The following PRKCA variants were observed in gnomAD, a reference collection of about 807,000 sequenced individuals.
PRKCA encodes the protein protein kinase C alpha type.
Under a neutral mutation model 87.0 loss-of-function variants are expected in PRKCA, and 27 were observed. The observed-to-expected ratio is 0.31, with a 90% CI of 0.23 to 0.43. The LOEUF is 0.43. Ranked by LOEUF, PRKCA falls within the 20% of genes least tolerant of loss-of-function variation. The pLI, the probability that PRKCA is intolerant of heterozygous loss-of-function variation, is 1.00. For synonymous variants in PRKCA, 329 were observed against 311.1 expected, an observed-to-expected ratio of 1.06 and a Z score of -0.61; for missense variants, 518 against 852.3, an observed-to-expected ratio of 0.61 and a Z score of 4.88.
intron 2 of PRKCA, among the ~76,000 whole-genome samples, chr17:66,350,755 G>A (rs948673437): frequency 5.9e-5 from 9 of 152,036 alleles, no homozygotes; most frequent in Non-Finnish European, 1.3e-4. Context: ...GAACTCCTGG[G>A]CTCAAGCAAT....
chr17:66,500,866 G>T (rs927472506), intron 3 of PRKCA, among the ~76,000 whole-genome samples: 1 of 152,096 alleles, frequency 6.6e-6, no homozygotes, highest in African/African-American at 2.4e-5. Context: ...CAGTGAGGAA[G>T]ACCAGTGAAA....
intron 3 of PRKCA, among the ~76,000 whole-genome samples, chr17:66,504,627 G>A (rs1916889005): frequency 6.6e-6 from 1 of 152,114 alleles, no homozygotes; most frequent in African/African-American, 2.4e-5. Flanking sequence ...GCACAGGGTA[G>A]GTGCCATAAG....
rs149570297 is a variant in PRKCA, at chr17:66,510,204, C to T, written c.288+13921C>T. 2.0e-3 allele frequency among the ~76,000 whole-genome samples: 312 copies of T among 152,218 alleles called. 1 individual carries two copies. The highest frequency in any genetic ancestry group is 7.2e-3 in the African/African-American group (298 of 41,530). ...TGGAATATCTGTGAAATGTTTCCTGCGATTCTCTCAGAATCAATACCAGCC... is the reference window on the plus strand; with the variant it reads ...TGGAATATCTGTGAAATGTTTCCTGTGATTCTCTCAGAATCAATACCAGCC... On this transcript the variant is annotated intron_variant, in intron 3 of 16. Coordinates refer to ENST00000413366, the MANE Select transcript of PRKCA (RefSeq NM_002737.3).
intron 13 of PRKCA, among the ~76,000 whole-genome samples, chr17:66,762,021 G>A (rs1399545531): frequency 2.6e-5 from 4 of 152,096 alleles, no homozygotes; most frequent in Non-Finnish European, 5.9e-5. Flanking sequence ...CAATTTAATT[G>A]CCTAAGGGGA....
intron 2 of PRKCA, among the ~76,000 whole-genome samples, chr17:66,346,953 C>T (rs982955699): frequency 6.6e-6 from 1 of 151,552 alleles, no homozygotes; most frequent in African/African-American, 2.4e-5. Flanking sequence ...ATCACTTGAA[C>T]GCGGGAGGCG....
intron 13 of PRKCA, among the ~76,000 whole-genome samples, chr17:66,766,578 C>T (rs2144315549): frequency 6.6e-6 from 1 of 152,116 alleles, no homozygotes; most frequent in East Asian, 1.9e-4. Context: ...GAGGCCAAGG[C>T]AGGTGGATCA....
chr17:66,582,204 A>T (rs1476796778), intron 3 of PRKCA, among the ~76,000 whole-genome samples: 1 of 152,126 alleles, frequency 6.6e-6, no homozygotes, highest in Admixed American at 6.5e-5. Flanking sequence ...GGCTGTAGGC[A>T]TTCTTGGCTA....
chr17:66,588,766 G>A (rs1016907577), intron 3 of PRKCA, among the ~76,000 whole-genome samples: 1 of 148,684 alleles, frequency 6.7e-6, no homozygotes, highest in African/African-American at 2.5e-5. Context: ...CTAGCCTCCT[G>A]AGTAACTGGG....
At chr17:66,410,416 C>G (rs1211802360) in intron 2 of PRKCA, among the ~76,000 whole-genome samples, 1 of 152,100 alleles carries the variant, frequency 6.6e-6, no homozygotes, top group Non-Finnish European at 1.5e-5. Context: ...ATAGCTTTTC[C>G]TTGTTTGAGG....
intron 2 of PRKCA, among the ~76,000 whole-genome samples, chr17:66,374,236 GC>G (rs1398170659): frequency 6.6e-6 from 1 of 152,106 alleles, no homozygotes; most frequent in Non-Finnish European, 1.5e-5. Context: ...CCTCCAGCTC[GC>G]CCCGCCTGAC....
intron 3 of PRKCA, among the ~76,000 whole-genome samples, chr17:66,559,027 C>T (rs1968596931): frequency 6.6e-6 from 1 of 152,198 alleles, no homozygotes; most frequent in South Asian, 2.1e-4. Context: ...TGCATTCGAA[C>T]AGGCTGTGGC....
chr17:66,549,084 G>A (rs765716235), intron 3 of PRKCA, among the ~76,000 whole-genome samples: 2 of 151,732 alleles, frequency 1.3e-5, no homozygotes, highest in Admixed American at 6.6e-5. Flanking sequence ...GGGATTACAG[G>A]CATGAGCCAC....
In PRKCA at chr17:66,547,886, T is replaced by C. The variant is rs145039134; in HGVS notation, c.288+51603T>C. On this transcript the variant is annotated intron_variant, in intron 3 of 16. Transcript: ENST00000413366. ...TAAAGCACTTACCATGAGAAAACCATACAAACATCTTTTAGATAATTTTGA... is the reference window on the plus strand; with the variant it reads ...TAAAGCACTTACCATGAGAAAACCACACAAACATCTTTTAGATAATTTTGA... 1.3e-4 allele frequency among the ~76,000 whole-genome samples: 20 copies of C among 152,186 alleles called. 1 individual carries two copies. Among genetic ancestry groups the C allele is most frequent in the Admixed American group, 3.3e-4 (5 of 15,284 alleles).
At chr17:66,783,052 C>G (rs1440078163) in intron 14 of PRKCA, among the ~76,000 whole-genome samples, 1 of 152,224 alleles carries the variant, frequency 6.6e-6, no homozygotes, top group Non-Finnish European at 1.5e-5. Context: ...AACATAGACT[C>G]ACAGCGGTGA....
chr17:66,681,726 T>A (rs553125048), intron 5 of PRKCA, among the ~76,000 whole-genome samples: 1 of 152,144 alleles, frequency 6.6e-6, no homozygotes, highest in Non-Finnish European at 1.5e-5. Flanking sequence ...CTGCCCACGC[T>A]CTTGGTCCCT....
rs376790639 is a variant in PRKCA at position 66,626,435 on chromosome 17, C to G, written c.289-14920C>G. On this transcript the variant is annotated intron_variant, in intron 3 of 16. Transcript: ENST00000413366. ...GGAGTGTAGTGGCGCAGTCTTGACTCACTGCAACCTCCGCCTCCTGGGTTC... is the reference window on the plus strand; with the variant it reads ...GGAGTGTAGTGGCGCAGTCTTGACTGACTGCAACCTCCGCCTCCTGGGTTC... 4.3e-4 allele frequency among the ~76,000 whole-genome samples: 65 copies of G among 150,652 alleles called. No homozygotes were observed. In the East Asian group the frequency reaches 0.011, roughly 26 times the overall value.
intron 16 of PRKCA, among the ~76,000 whole-genome samples, chr17:66,797,263 G>A (rs890339023): frequency 1.3e-5 from 2 of 152,208 alleles, no homozygotes; most frequent in African/African-American, 4.8e-5. Context: ...TCCAGTGGGG[G>A]CACACTGCAA....
rs183165250 is a variant in PRKCA at position 66,594,479 on chromosome 17, C to T, written c.289-46876C>T. 6.7e-3 allele frequency among the ~76,000 whole-genome samples: 1,014 copies of T among 152,224 alleles called. 38 individuals carry two copies. Among genetic ancestry groups the T allele is most frequent in the Admixed American group, 0.058 (892 of 15,280 alleles). On this transcript the variant is annotated intron_variant, in intron 3 of 16. Transcript: ENST00000413366. ...TTCCAGCGTCTCTTTATTTCTTCAC[C>T]ATGATGGTCTGAATGATGACTTCAA...
chr17:66,461,898 C>T (rs1039702610), intron 2 of PRKCA, among the ~76,000 whole-genome samples: 19 of 142,928 alleles, frequency 1.3e-4, no homozygotes, highest in African/African-American at 4.4e-4. Context: ...TCCTAACTAC[C>T]GAGGAGGAGA....
Sources: gnomAD v4.1 joint callset for allele counts (sites outside exome capture counted in the v4.1 genomes callset) on GRCh38, gnomAD v4.1.1 for gene constraint, MANE v1.5 for transcripts, NCBI Gene and HGNC (gene_info 2026-07-23, HGNC 2026-07-21) for gene names.